FBXL17: variants seen among roughly 807,000 people sequenced by gnomAD.
The protein encoded by FBXL17 is F-box/LRR-repeat protein 17.
In FBXL17, 22 loss-of-function variants were observed where a neutral mutation model predicts 66.2. The observed-to-expected ratio is 0.33, with a 90% CI of 0.24 to 0.47. FBXL17 has a LOEUF of 0.47. Among genes scored for constraint, FBXL17 ranks in the 20% least tolerant of loss-of-function variants. The pLI is 1.00. For synonymous variants in FBXL17, 474 were observed against 400.5 expected (o/e 1.18, Z -2.19); for missense variants, 878 against 948.2 (o/e 0.93, Z 0.97).
chr5:107,871,512 C>T (rs1334015759), intron 8 of FBXL17, among the ~76,000 whole-genome samples: 1 of 152,162 alleles, frequency 6.6e-6, no homozygotes, highest in Non-Finnish European at 1.5e-5. Flanking sequence ...AGCTATCCTC[C>T]ACTGAGAAAG....
At chr5:108,127,326 C>G (rs1343112581) in intron 6 of FBXL17, among the ~76,000 whole-genome samples, 5 of 152,152 alleles carry the variant, frequency 3.3e-5, no homozygotes, top group Non-Finnish European at 5.9e-5. Flanking sequence ...TAACATCAAA[C>G]CACTGTCATT....
rs1383769892 is a variant in FBXL17, at chr5:108,382,024, G to T, written c.-333C>A. 5 of 1,085,226 alleles carry T rather than the reference G, an allele frequency of 4.6e-6. No homozygotes were observed. The African/African-American group carries it at 6.6e-5, about 14-fold the overall frequency. The allele number at this position is 1,085,226 out of a possible 1,614,324, so 67.2% of individuals were successfully genotyped here. ...AGCCGGCTCAGTCAGTCAGCGGAGCGGCCGGGGAAAGGCCGGGTCCCGCTC... is the reference window on the plus strand; with the variant it reads ...AGCCGGCTCAGTCAGTCAGCGGAGCTGCCGGGGAAAGGCCGGGTCCCGCTC... On this transcript the variant is annotated 5_prime_UTR_variant, in exon 1 of 9. Transcript: ENST00000542267.
chr5:108,224,569 A>T (rs564435191), intron 4 of FBXL17, among the ~76,000 whole-genome samples: 18 of 151,688 alleles, frequency 1.2e-4, no homozygotes, highest in African/African-American at 4.1e-4. Context: ...ACACACACAT[A>T]TATGGTTGGT....
intron 7 of FBXL17, among the ~76,000 whole-genome samples, chr5:107,910,174 G>C (rs994815407): frequency 2.0e-5 from 3 of 151,684 alleles, no homozygotes; most frequent in African/African-American, 4.8e-5. Context: ...GGGATTAGGG[G>C]ACAAACTATT....
At chr5:108,255,400 T>G (rs761817621) in intron 4 of FBXL17, among the ~76,000 whole-genome samples, 3 of 152,182 alleles carry the variant, frequency 2.0e-5, no homozygotes, top group Non-Finnish European at 4.4e-5. Context: ...TTTATGTTTG[T>G]TCAATGATCC....
intron 6 of FBXL17, among the ~76,000 whole-genome samples, chr5:108,036,188 T>G (rs181664731): frequency 2.0e-5 from 3 of 152,350 alleles, no homozygotes; most frequent in Admixed American, 2.0e-4. Context: ...TTATTTTCAA[T>G]GTAGCTAGAA....
intron 4 of FBXL17, among the ~76,000 whole-genome samples, chr5:108,255,337 T>C (rs1417952398): frequency 1.3e-5 from 2 of 152,150 alleles, no homozygotes; most frequent in African/African-American, 4.8e-5. Context: ...GTTGTTCCTA[T>C]CTTATCTTTG....
chr5:108,006,468 A>C (rs891006331), intron 7 of FBXL17, among the ~76,000 whole-genome samples: 3 of 152,208 alleles, frequency 2.0e-5, no homozygotes, highest in African/African-American at 7.2e-5. Flanking sequence ...AAAAAGGTGA[A>C]TAGTGATGCC....
intron 6 of FBXL17, among the ~76,000 whole-genome samples, chr5:108,050,050 T>C (rs1184515219): frequency 6.6e-6 from 1 of 152,118 alleles, no homozygotes; most frequent in Non-Finnish European, 1.5e-5. Context: ...ATCCTAAATA[T>C]ACATGTACCC....
intron 7 of FBXL17, among the ~76,000 whole-genome samples, chr5:107,949,831 G>A (rs759003844): frequency 3.3e-5 from 5 of 152,144 alleles, no homozygotes; most frequent in Non-Finnish European, 7.4e-5. Flanking sequence ...TAAGTGACTT[G>A]CCCACTGTCC....
chr5:108,255,451 A>T (rs1218162302), intron 4 of FBXL17, among the ~76,000 whole-genome samples: 3 of 152,196 alleles, frequency 2.0e-5, no homozygotes, highest in Non-Finnish European at 4.4e-5. Context: ...ATAAAAGAGG[A>T]AGAACAGATA....
chr5:108,110,634 C>A (rs1346471202), intron 6 of FBXL17, among the ~76,000 whole-genome samples: 1 of 152,002 alleles, frequency 6.6e-6, no homozygotes, highest in Non-Finnish European at 1.5e-5. Flanking sequence ...GAGTAATGTA[C>A]AATTTTTTCA....
chr5:108,278,747 A>G (rs146783811), intron 4 of FBXL17, among the ~76,000 whole-genome samples: 3,839 of 152,284 alleles, frequency 0.025, 71 homozygotes, highest in Non-Finnish European at 0.035. Context: ...GCTGGACCTC[A>G]ATGCTGCAGT....
intron 5 of FBXL17, among the ~76,000 whole-genome samples, chr5:108,222,126 T>C (rs1754891531): frequency 6.6e-6 from 1 of 152,246 alleles, no homozygotes; most frequent in South Asian, 2.1e-4. Flanking sequence ...AGACATTTGC[T>C]GTAGCTGTGT....
intron 6 of FBXL17, among the ~76,000 whole-genome samples, chr5:108,099,594 T>C (rs752375510): frequency 6.6e-6 from 1 of 152,160 alleles, no homozygotes; most frequent in Non-Finnish European, 1.5e-5. Flanking sequence ...TGAAGGTTCA[T>C]GTTTGTACAG....
intron 6 of FBXL17, among the ~76,000 whole-genome samples, chr5:108,051,901 G>C (rs1048108661): frequency 1.3e-5 from 2 of 152,008 alleles, no homozygotes; most frequent in Non-Finnish European, 1.5e-5. Context: ...ATGAGGTCAG[G>C]AGATCTAGAC....
At chr5:108,329,689 T>C (rs1260435879) in intron 4 of FBXL17, among the ~76,000 whole-genome samples, 1 of 152,194 alleles carries the variant, frequency 6.6e-6, no homozygotes, top group East Asian at 1.9e-4. Context: ...TTATATACTA[T>C]AAAATAGCTT....
chr5:108,154,679 A>ACATATATATGTGT (rs1751923429), intron 6 of FBXL17, among the ~76,000 whole-genome samples: 1 of 144,612 alleles, frequency 6.9e-6, no homozygotes, highest in African/African-American at 2.5e-5. Flanking sequence ...ATGTGTATAT[A>ACATATATATGTGT]TATACACATA....
intron 4 of FBXL17, among the ~76,000 whole-genome samples, chr5:108,269,445 A>T (rs1468624109): frequency 6.6e-6 from 1 of 152,102 alleles, no homozygotes; most frequent in African/African-American, 2.4e-5. Context: ...TCAAGAACTT[A>T]GTGGGAAGAA....
Sources: allele counts gnomAD v4.1 joint callset (sites outside exome capture counted in the v4.1 genomes callset), GRCh38; gene constraint gnomAD v4.1.1; transcripts MANE v1.5; gene names NCBI Gene and HGNC (gene_info 2026-07-23, HGNC 2026-07-21).